The following VPS37B variants were observed in gnomAD, a reference collection of about 807,000 sequenced individuals.
The protein encoded by VPS37B is VPS37B subunit of ESCRT-I.
In VPS37B, 11 loss-of-function variants were observed where a neutral mutation model predicts 21.2. The observed-to-expected ratio is 0.52, with a 90% CI of 0.33 to 0.86. VPS37B has a LOEUF of 0.86. Among genes scored for constraint, VPS37B ranks in the 40% least tolerant of loss-of-function variants. The probability of loss-of-function intolerance (pLI) is 0.03; values close to 1 mark genes in which losing one functional copy is unlikely to be tolerated. For missense variants in VPS37B, 389 were observed against 374.8 expected (o/e 1.04, Z -0.31); for synonymous variants, 175 against 159.6 (o/e 1.10, Z -0.73).
intron 1 of VPS37B, chr12:122,871,420 T>G: frequency 9.9e-7 from 1 of 1,006,340 alleles, no homozygotes; most frequent in Non-Finnish European, 1.2e-6. Context: ...GAATCTGATT[T>G]TTTTCAAAAC....
Position 122,866,250 on chromosome 12 carries a change from T to TC in VPS37B, c.*865dup, listed in dbSNP as rs1275895693. The TC allele has an allele frequency of 3.3e-5, 5 of 152,630 alleles. No individual in the cohort carries two copies. Among genetic ancestry groups the TC allele is most frequent in the African/African-American group, 1.2e-4 (5 of 41,442 alleles). The allele number at this position is 152,630 out of a possible 1,614,324, so 9.5% of individuals were successfully genotyped here. Reference sequence around the variant, plus strand: ...ACAAAAGGAAATTGCATCCACTTCATCGGCATTTCGATCTGCTCAAGACAG... The same window carrying TC: ...ACAAAAGGAAATTGCATCCACTTCATCCGGCATTTCGATCTGCTCAAGACAG... On this transcript the variant is annotated 3_prime_UTR_variant, in exon 4 of 4. Transcript: ENST00000267202.
At position 122,870,859 on chromosome 12, in the gene VPS37B, T is replaced by C. The variant is rs371517116; in HGVS notation, c.283+31A>G. On this transcript the variant is annotated intron_variant, in intron 2 of 3. Coordinates refer to ENST00000267202, the MANE Select transcript of VPS37B (RefSeq NM_024667.3). ...AAAATGTGTCCTTCTCTCAACTCTTTATTCTCGAATGATCACCCTTAAAAA... is the reference window on the plus strand; with the variant it reads ...AAAATGTGTCCTTCTCTCAACTCTTCATTCTCGAATGATCACCCTTAAAAA... 853 of 1,590,292 alleles carry C rather than the reference T, an allele frequency of 5.4e-4. 2 individuals are homozygous for C. Among genetic ancestry groups the C allele is most frequent in the Non-Finnish European group, 6.9e-4 (809 of 1,166,988 alleles).
chr12:122,886,535 G>A (rs2034332632), intron 1 of VPS37B: 2 of 152,276 alleles, frequency 1.3e-5, no homozygotes, highest in Admixed American at 1.3e-4. Flanking sequence ...TTTGATGGAG[G>A]CTGCAGTGAA....
At position 122,868,746 on chromosome 12, in the gene VPS37B, CTG is replaced by C. The variant is rs1300748595; in HGVS notation, c.284-186_284-185del. On this transcript the variant is annotated intron_variant, in intron 2 of 3. Coordinates refer to ENST00000267202, the MANE Select transcript of VPS37B (RefSeq NM_024667.3). This position sits in a 1 kb window ranked among gnomAD's most constrained non-coding sequence, Gnocchi z 5.5. ...GGCCAACATCCCATGTCAGAGCAACCTGTGTCACCAGCTGCTTCTAGAACCAG... is the reference window on the plus strand; with the variant it reads ...GGCCAACATCCCATGTCAGAGCAACCTGTCACCAGCTGCTTCTAGAACCAG... Among the ~76,000 whole-genome samples the C allele has an allele frequency of 6.6e-6, 1 of 152,196 alleles. No homozygotes were observed. Among genetic ancestry groups the C allele is most frequent in the Non-Finnish European group, 1.5e-5 (1 of 68,044 alleles).
At chr12:122,891,298 A>C (rs1414321916) in intron 1 of VPS37B, among the ~76,000 whole-genome samples, 1 of 152,232 alleles carries the variant, frequency 6.6e-6, no homozygotes, top group African/African-American at 2.4e-5. Flanking sequence ...ATTGCATCTT[A>C]ATAAAAGGGA....
chr12:122,871,891 C>G, intron 1 of VPS37B: 2 of 985,346 alleles, frequency 2.0e-6, no homozygotes, highest in Non-Finnish European at 2.4e-6. Context: ...GTTCCCTTTT[C>G]ACTCACTGGT....
rs770358097 is a variant in VPS37B at position 122,868,523 on chromosome 12, G to A, written c.323C>T (p.Ala108Val). The A allele has an allele frequency of 1.9e-6, 3 of 1,613,828 alleles. No homozygotes were observed. Among genetic ancestry groups the A allele is most frequent in the Non-Finnish European group, 2.5e-6 (3 of 1,179,936 alleles). Residue 108 changes from alanine (A) to valine (V), a missense_variant, in exon 3 of 4, where the codon GCA becomes GTA. Ala to Val is a moderately conservative substitution (Grantham distance 64). Coordinates refer to ENST00000267202, the MANE Select transcript of VPS37B (RefSeq NM_024667.3). The surrounding 1 kb of genome is among the most constrained non-coding windows in gnomAD (Gnocchi z 5.5). ...SSSASLETLL[A>V]LLQAEGAKIE... ...CTTGGCCCCTTCTGCCTGAAGAAGT[G>A]CTAACAGGGTCTCCAAGGAAGCACT...
chr12:122,886,705 C>T (rs1227439142), intron 1 of VPS37B: 1 of 152,208 alleles, frequency 6.6e-6, no homozygotes. Context: ...GAAAACACTA[C>T]CCTAATCAAA....
At chr12:122,891,880 T>C (rs2034416983) in intron 1 of VPS37B, among the ~76,000 whole-genome samples, 1 of 152,248 alleles carries the variant, frequency 6.6e-6, no homozygotes, top group Non-Finnish European at 1.5e-5. Flanking sequence ...AACCTGTCTT[T>C]CAGACCCTCA....
Position 122,896,033 on chromosome 12 carries a change from G to T in VPS37B, c.30C>A (p.Phe10Leu). The change falls in exon 1 of 4, where the codon TTC becomes TTA. Residue 10 changes from phenylalanine (F) to leucine (L), a missense_variant. Transcript: ENST00000267202. ...TGAGCTGCACCAGCGACAGCCCGGCGAACCGGGCTTCGCTCCCGGCGCCCG... is the reference window on the plus strand; with the variant it reads ...TGAGCTGCACCAGCGACAGCCCGGCTAACCGGGCTTCGCTCCCGGCGCCCG... Reference protein sequence around the residue: MAGAGSEARFAGLSLVQLNE... With the variant: MAGAGSEARLAGLSLVQLNE... 6.3e-7 allele frequency: 1 copy of T among 1,588,972 alleles called. No individual in the cohort carries two copies. The highest frequency in any genetic ancestry group is 8.5e-7 in the Non-Finnish European group (1 of 1,171,706).
intron 1 of VPS37B, among the ~76,000 whole-genome samples, chr12:122,892,224 A>G (rs1449449880): frequency 6.6e-6 from 1 of 152,248 alleles, no homozygotes; most frequent in African/African-American, 2.4e-5. Context: ...TACTACATTT[A>G]GGGAATTGCA....
At chr12:122,887,238 C>T (rs1009523714) in intron 1 of VPS37B, 1 of 152,110 alleles carries the variant, frequency 6.6e-6, no homozygotes, top group Non-Finnish European at 1.5e-5. Flanking sequence ...ATCTCATCCC[C>T]CTCAAATCCA....
chr12:122,895,790 G>A (rs750279205), intron 1 of VPS37B, among the ~76,000 whole-genome samples, 162 bp downstream of exon 1: 1 of 149,084 alleles, frequency 6.7e-6, no homozygotes, highest in African/African-American at 2.5e-5. Flanking sequence ...CACCAGTCGC[G>A]GTTCCCTGGC....
chr12:122,869,230 A>G (rs2033973555), intron 2 of VPS37B, among the ~76,000 whole-genome samples: 1 of 152,248 alleles, frequency 6.6e-6, no homozygotes, highest in Non-Finnish European at 1.5e-5. Context: ...TTATAAGGTA[A>G]TAAAGATACA....
rs2033916150 is a variant in VPS37B, at chr12:122,867,098, G to A, written c.*18C>T. The A allele has an allele frequency of 6.0e-6, 9 of 1,507,010 alleles. No individual in the cohort carries two copies. The highest frequency in any genetic ancestry group is 7.9e-6 in the Non-Finnish European group (9 of 1,132,804). The allele number at this position is 1,507,010 out of a possible 1,614,324, so 93.4% of individuals were successfully genotyped here. A position where few individuals can be genotyped will look rare whatever the true frequency, so the allele number is the denominator to read the frequency against. On this transcript the variant is annotated 3_prime_UTR_variant, in exon 4 of 4. Coordinates refer to ENST00000267202, the MANE Select transcript of VPS37B (RefSeq NM_024667.3). This position sits in a 1 kb window ranked among gnomAD's most constrained non-coding sequence, Gnocchi z 5.5. ...ACGCCAGGTGGAAGAAGTCTCCCGGGAAGGACCGCGCCGGCGCTCACTGGA... is the reference window on the plus strand; with the variant it reads ...ACGCCAGGTGGAAGAAGTCTCCCGGAAAGGACCGCGCCGGCGCTCACTGGA...
At chr12:122,871,866 C>T (rs1442591823) in intron 1 of VPS37B, 9 of 985,176 alleles carry the variant, frequency 9.1e-6, no homozygotes, top group African/African-American at 1.7e-5. Flanking sequence ...AAAACACAAA[C>T]GCGTGGGTAC....
intron 2 of VPS37B, chr12:122,870,273 G>A (rs959891222): frequency 1.3e-5 from 2 of 152,124 alleles, no homozygotes; most frequent in African/African-American, 2.4e-5. Flanking sequence ...AGGTACCCAC[G>A]TTTCTGCAAC....
At position 122,896,074 on chromosome 12, in the gene VPS37B, G is replaced by T. The variant is rs1376939034; in HGVS notation, c.-12C>A. The T allele has an allele frequency of 1.3e-6, 2 of 1,563,406 alleles. No homozygotes were observed. The highest frequency in any genetic ancestry group is 2.8e-5 in the African/African-American group (2 of 70,536). ...CCGGCGCCCGCCATCCCCACGTCTC[G>T]GCCGTCGTCGCCACCGCCGCTGCGG... On this transcript the variant is annotated 5_prime_UTR_variant, in exon 1 of 4. Coordinates refer to ENST00000267202, the MANE Select transcript of VPS37B (RefSeq NM_024667.3).
intron 1 of VPS37B, chr12:122,872,225 C>A: frequency 1.0e-6 from 1 of 985,456 alleles, no homozygotes; most frequent in Non-Finnish European, 1.2e-6. Context: ...GCACCACACA[C>A]ACAAGGAAGA....
Sources: allele counts gnomAD v4.1 joint callset (sites outside exome capture counted in the v4.1 genomes callset), GRCh38; gene constraint gnomAD v4.1.1; non-coding constraint Gnocchi (gnomAD v3.1); transcripts MANE v1.5; gene names NCBI Gene and HGNC (gene_info 2026-07-23, HGNC 2026-07-21).